ENKUR: variants seen among roughly 807,000 people sequenced by gnomAD.
ENKUR encodes enkurin.
A neutral mutation model predicts 27.6 loss-of-function variants in ENKUR; 19 were observed. The ratio of observed to expected loss-of-function variants is 0.69; its 90% CI spans 0.48 to 1.01. The LOEUF is 1.01. ENKUR is among the 50% of genes least tolerant of loss of function. The pLI is 0.00. For synonymous variants in ENKUR, 117 were observed against 96.9 expected (o/e 1.21, Z -1.22); for missense variants, 312 against 310.5 (o/e 1.00, Z -0.04).
At chr10:24,994,455 A>G (rs908920494) in intron 3 of ENKUR, among the ~76,000 whole-genome samples, 7 of 149,470 alleles carry the variant, frequency 4.7e-5, no homozygotes, top group African/African-American at 1.5e-4. Flanking sequence ...TGCCTTAGCC[A>G]CCCGAGTAGC....
At chr10:25,002,856 A>T (rs1324185831) in intron 1 of ENKUR, among the ~76,000 whole-genome samples, 3 of 152,114 alleles carry the variant, frequency 2.0e-5, no homozygotes, top group African/African-American at 7.2e-5. Flanking sequence ...CTGTGCCTTA[A>T]AATGCCCACA....
chr10:25,020,496 G>A (rs1272707498), upstream of ENKUR, among the ~76,000 whole-genome samples: 1 of 152,126 alleles, frequency 6.6e-6, no homozygotes, highest in Admixed American at 6.5e-5. Context: ...GGCCAGTATG[G>A]TGGTTCATGC....
chr10:25,054,876 A>G (rs907818090), intron 2 of ENKUR, among the ~76,000 whole-genome samples: 1 of 151,900 alleles, frequency 6.6e-6, no homozygotes, highest in Admixed American at 6.6e-5. Flanking sequence ...GGGTCTTGCC[A>G]TATTGCCAAA....
intron 2 of ENKUR, chr10:25,023,033 AT>A: frequency 2.0e-6 from 1 of 503,340 alleles, no homozygotes. Flanking sequence ...ACTTTTTTTA[AT>A]TCCATAAGTT....
Position 25,024,267 on chromosome 10 carries a change from A to G in ENKUR, c.38-28398T>C, listed in dbSNP as rs556732631. On this transcript the variant is annotated intron_variant, in intron 2 of 5. Coordinates refer to the ENKUR transcript ENST00000615958. ...TGGAGTTGTTTCATGGACCAACAGG[A>G]TCATTTAAAGATTTGTCTTTACAGC... The G allele has an allele frequency of 1.2e-5, 20 of 1,614,200 alleles. No homozygotes were observed. The East Asian group carries it at 2.7e-4, about 22-fold the overall frequency.
chr10:25,032,225 A>G (rs57695610), intron 2 of ENKUR, among the ~76,000 whole-genome samples: 4,189 of 151,376 alleles, frequency 0.028, 129 homozygotes, highest in African/African-American at 0.075. Flanking sequence ...TTCAGTGGGT[A>G]CCGTCAATTC....
chr10:25,007,177 A>T (rs1185882139), intron 1 of ENKUR, among the ~76,000 whole-genome samples: 1 of 152,156 alleles, frequency 6.6e-6, no homozygotes. Flanking sequence ...GATCTGTAAA[A>T]ATGAATTCTC....
intron 2 of ENKUR, chr10:25,023,425 A>T (rs1362767358): frequency 1.9e-6 from 3 of 1,614,174 alleles, no homozygotes; most frequent in Non-Finnish European, 2.5e-6. Flanking sequence ...TGGTGCTGGG[A>T]AAACAACAGT....
rs772318906 is a variant in ENKUR at position 25,054,504 on chromosome 10, TCTTTCTTTC to T, written c.37+6599_37+6607del. Among the ~76,000 whole-genome samples the T allele has an allele frequency of 1.3e-4, 16 of 122,424 alleles. No homozygotes were observed. The East Asian group carries it at 1.4e-3, about 11-fold the overall frequency. The allele number at this position is 122,424 out of a possible 152,430, so 80.3% of individuals were successfully genotyped here. ...TTCTTTCTTTCTTTCTTTCTTTCTT[TCTTTCTTTC>T]CTTTCTTTCTTTCTTTCCTTTCTTT... On this transcript the variant is annotated intron_variant, in intron 2 of 5. Transcript: ENST00000615958.
chr10:25,054,440 G>A (rs774580306), intron 2 of ENKUR, among the ~76,000 whole-genome samples: 6 of 149,108 alleles, frequency 4.0e-5, no homozygotes, highest in African/African-American at 7.4e-5. Context: ...CAAATAAATA[G>A]AATGGTGTTT....
chr10:25,023,659 A>G, intron 2 of ENKUR: 2 of 1,614,166 alleles, frequency 1.2e-6, no homozygotes, highest in South Asian at 1.1e-5. Context: ...GTGGCATCTG[A>G]AGAAAAATGG....
chr10:24,989,780 G>T (rs1192834754), intron 4 of ENKUR, among the ~76,000 whole-genome samples: 2 of 151,974 alleles, frequency 1.3e-5, no homozygotes, highest in East Asian at 3.9e-4. Flanking sequence ...AATAAACAAA[G>T]AATTAAGTAT....
chr10:24,988,254 G>A (rs918698346), intron 4 of ENKUR, among the ~76,000 whole-genome samples: 4 of 137,294 alleles, frequency 2.9e-5, no homozygotes, highest in Admixed American at 1.5e-4. Flanking sequence ...ATATATATGT[G>A]TATATATATA....
intron 2 of ENKUR, among the ~76,000 whole-genome samples, chr10:25,039,067 G>A (rs1269752557): frequency 6.6e-6 from 1 of 152,134 alleles, no homozygotes; most frequent in Admixed American, 6.5e-5. Flanking sequence ...TAAATTATTT[G>A]CCCTGTTACT....
chr10:25,014,805 G>A (rs1006658325), intron 1 of ENKUR, among the ~76,000 whole-genome samples: 6 of 152,136 alleles, frequency 3.9e-5, no homozygotes, highest in Non-Finnish European at 7.4e-5. Flanking sequence ...TACAGTTACT[G>A]CTCTAATTTA....
At chr10:25,003,843 T>C (rs887072279) in intron 1 of ENKUR, among the ~76,000 whole-genome samples, 7 of 152,210 alleles carry the variant, frequency 4.6e-5, no homozygotes, top group Non-Finnish European at 7.3e-5. Context: ...CAGCCTCCGA[T>C]AGGCCCCAGG....
chr10:25,009,567 T>C (rs569049446), intron 1 of ENKUR, among the ~76,000 whole-genome samples: 11 of 152,344 alleles, frequency 7.2e-5, no homozygotes, highest in African/African-American at 2.6e-4. Context: ...AAAGTATTGC[T>C]ATCAGCCTAG....
intron 1 of ENKUR, among the ~76,000 whole-genome samples, chr10:25,009,108 G>A (rs1383107698): frequency 6.6e-6 from 1 of 152,184 alleles, no homozygotes; most frequent in East Asian, 1.9e-4. Context: ...GACTGTTGTG[G>A]GGTGGGAGGA....
At chr10:25,029,664 C>T (rs1390140746) in intron 2 of ENKUR, among the ~76,000 whole-genome samples, 1 of 152,052 alleles carries the variant, frequency 6.6e-6, no homozygotes, top group East Asian at 1.9e-4. Context: ...TTTGTGTAGG[C>T]CTCATCTGTG....
Sources: allele counts gnomAD v4.1 joint callset (sites outside exome capture counted in the v4.1 genomes callset), GRCh38; gene constraint gnomAD v4.1.1; transcripts MANE v1.5; gene names NCBI Gene and HGNC (gene_info 2026-07-23, HGNC 2026-07-21).